The following LENG8 variants were observed in gnomAD, a reference collection of about 807,000 sequenced individuals.
LENG8 encodes the protein leukocyte receptor cluster member 8, also known as leukocyte receptor cluster (LRC) member 8.
Under a neutral mutation model 102.1 loss-of-function variants are expected in LENG8, and 28 were observed. The observed-to-expected ratio is 0.27, with a 90% CI of 0.20 to 0.38. The LOEUF is 0.38. LENG8 is among the 10% of genes least tolerant of loss of function. The pLI is 1.00. For synonymous variants in LENG8, 531 were observed against 456.7 expected, an observed-to-expected ratio of 1.16 and a Z score of -2.07; for missense variants, 1,022 against 1,113.9, an observed-to-expected ratio of 0.92 and a Z score of 1.17.
chr19:54,455,646 G>A (rs924167216), intron 8 of LENG8, 79 bp downstream of exon 8: 60 of 1,290,072 alleles, frequency 4.7e-5, no homozygotes, highest in Middle Eastern at 5.1e-4. Context: ...GGAGAGTTGC[G>A]GGTCCCAGGT....
At chr19:54,452,995 C>G (rs1333063713) in intron 4 of LENG8, among the ~76,000 whole-genome samples, 3 of 152,180 alleles carry the variant, frequency 2.0e-5, no homozygotes, top group Admixed American at 2.0e-4. Context: ...CCATGGCCAT[C>G]GAAGCAGAGA....
At position 54,456,520 on chromosome 19, in the gene LENG8, A is replaced by T. The variant is rs2084255226; in HGVS notation, c.1445+55A>T. 23 of 1,550,450 alleles carry T rather than the reference A, an allele frequency of 1.5e-5. 1 individual carries two copies. In the South Asian group the frequency reaches 2.8e-4, roughly 19 times the overall value. ...GCCAGGGTGGAGGAGGGTACTGGGG[A>T]CCCATGGGAGAAGGAGGAGGAGGGC... On this transcript the variant is annotated intron_variant, in intron 10 of 15. Transcript: ENST00000326764.
rs775076605 is a variant in LENG8 at position 54,454,674 on chromosome 19, G to A, written c.671G>A (p.Arg224His). 15 of 1,594,806 alleles carry A rather than the reference G, an allele frequency of 9.4e-6. No homozygotes were observed. Among genetic ancestry groups the A allele is most frequent in the African/African-American group, 1.3e-5 (1 of 74,530 alleles). The change falls in exon 6 of 16, where the codon CGC becomes CAC. Residue 224 changes from arginine to histidine, a missense_variant. Physicochemically the swap from Arg to His is conservative, Grantham distance 29. Around this residue, in one of 7 missense-constraint regions of LENG8, gnomAD observed 343 missense variants for 320.2 expected, o/e 1.07. Coordinates refer to ENST00000326764, the MANE Select transcript of LENG8 (RefSeq NM_052925.4). ...KPKKGQQLWN[R>H]MKPAPGTGGL... is the part of the protein sequence containing the mutation. ...AAGAAGGGCCAACAGCTGTGGAACC[G>A]CATGAAACGTAAGTTGGCAGAGCTA...
chr19:54,452,050 A>C, intron 2 of LENG8, 43 bp from the exon 3 acceptor site: 1 of 1,570,860 alleles, frequency 6.4e-7, no homozygotes, highest in African/African-American at 1.3e-5. Flanking sequence ...ACCTGTGTAC[A>C]GTGGGGAGAA....
Position 54,455,043 on chromosome 19 carries a change from C to T in LENG8, c.772C>T (p.His258Tyr). The T allele has an allele frequency of 6.2e-7, 1 of 1,614,190 alleles. No homozygotes were observed. The highest frequency in any genetic ancestry group is 2.2e-5 in the East Asian group (1 of 44,884). Residue 258 changes from histidine to tyrosine, a missense_variant, in exon 7 of 16, where the codon CAC (histidine) becomes TAC (tyrosine). By Grantham distance (83) the His-to-Tyr change is moderately conservative. Coordinates refer to ENST00000326764, the MANE Select transcript of LENG8 (RefSeq NM_052925.4). ...CTTTGGCTCCAACGCAGAGGGCCAG[C>T]ACAGTGGTTTTGGCCCCCAGCCCAA... ...QSFGSNAEGQHSGFGPQPNPE... is the reference protein window; with the variant it reads ...QSFGSNAEGQYSGFGPQPNPE...
intron 5 of LENG8, 90 bp downstream of exon 5, chr19:54,453,746 C>T (rs1372671125): frequency 1.1e-6 from 1 of 870,266 alleles, no homozygotes. Flanking sequence ...GCTTGTACTC[C>T]TTAAGCTGCT....
In LENG8 at chr19:54,459,131, T is replaced by C. The variant is rs1472085557; in HGVS notation, c.2240+610T>C. ...GTTGCTTGACTCATGTTTAGACGCA[T>C]GGTTCTGTCTGGTGATTGAGGTGCC... is the stretch of plus-strand genomic sequence containing the variant. On this transcript the variant is annotated intron_variant, in intron 15 of 15. Coordinates refer to ENST00000326764, the MANE Select transcript of LENG8 (RefSeq NM_052925.4). The C allele has an allele frequency of 4.6e-6, 6 of 1,308,234 alleles. No individual in the cohort carries two copies. In the African/African-American group the frequency reaches 5.9e-5, roughly 13 times the overall value. The allele number at this position is 1,308,234 out of a possible 1,614,324, so 81.0% of individuals were successfully genotyped here. A position where few individuals can be genotyped will look rare whatever the true frequency, so the allele number is the denominator to read the frequency against.
rs776649076 is a variant in LENG8 at position 54,456,136 on chromosome 19, A to G, written c.1195A>G (p.Thr399Ala). The change falls in exon 9 of 16, where the codon ACC becomes GCC. Residue 399 changes from threonine (T) to alanine (A), a missense_variant. Thr to Ala is a moderately conservative substitution (Grantham distance 58, BLOSUM62 0). This residue lies in a region of LENG8 where 326 missense variants were observed against 324.5 expected (regional missense o/e 1.00). Coordinates refer to ENST00000326764, the MANE Select transcript of LENG8 (RefSeq NM_052925.4). ...CGGTCGAGCCCGGGGCAACAGCTTCACCAAGTTTGGCAACCGCAACGTCTT... is the reference window on the plus strand; with the variant it reads ...CGGTCGAGCCCGGGGCAACAGCTTCGCCAAGTTTGGCAACCGCAACGTCTT... The part of the protein sequence containing the change: ...GAGRARGNSF[T>A]KFGNRNVFMK... 1.2e-6 allele frequency: 2 copies of G among 1,610,882 alleles called. No homozygotes were observed. The highest frequency in any genetic ancestry group is 1.7e-6 in the Non-Finnish European group (2 of 1,177,846).
rs1301304352 is a variant in LENG8 at position 54,456,640 on chromosome 19, G to T, written c.1450G>T (p.Asp484Tyr). ...CTGCCCCTCATCCCTTCCTAGGCACGATCTGGCGCCCACCAAGCGCAGTCG... is the reference window on the plus strand; with the variant it reads ...CTGCCCCTCATCCCTTCCTAGGCACTATCTGGCGCCCACCAAGCGCAGTCG... Reference protein sequence around the residue: ...RGRAQRGKRHDLAPTKRSRKK... With the variant: ...RGRAQRGKRHYLAPTKRSRKK... The change falls in exon 11 of 16, where the codon GAT (aspartate) becomes TAT (tyrosine). Residue 484 changes from aspartate to tyrosine, a missense_variant. This residue lies in a region of LENG8 where 326 missense variants were observed against 324.5 expected (regional missense o/e 1.00). Transcript: ENST00000326764. The T allele has an allele frequency of 6.2e-7, 1 of 1,608,796 alleles. No individual in the cohort carries two copies. The highest frequency in any genetic ancestry group is 2.2e-5 in the East Asian group (1 of 44,726).
chr19:54,453,036 C>G (rs946223848), intron 4 of LENG8, among the ~76,000 whole-genome samples: 1 of 152,254 alleles, frequency 6.6e-6, no homozygotes, highest in African/African-American at 2.4e-5. Context: ...GCCAGGCCCG[C>G]TCTCGCTTTG....
rs1487922289 is a variant in LENG8 at position 54,453,727 on chromosome 19, T to C, written c.426+71T>C. 6 of 1,092,830 alleles carry C rather than the reference T, an allele frequency of 5.5e-6. No homozygotes were observed. The Admixed American group carries it at 9.8e-5, about 18-fold the overall frequency. 67.7% of individuals were successfully genotyped at this position (1,092,830 alleles called of 1,614,324 possible). On this transcript the variant is annotated intron_variant, in intron 5 of 15. Transcript: ENST00000326764. ...TGTAGATTTTTGAATGAGCTGTCAA[T>C]GAGGAATGGCTTGTACTCCTTAAGC...
At position 54,461,100 on chromosome 19, in the gene LENG8, T is replaced by C. The variant is rs1370684342; in HGVS notation, c.*172T>C. 3 of 1,020,458 alleles carry C rather than the reference T, an allele frequency of 2.9e-6. No homozygotes were observed. The African/African-American group carries it at 4.8e-5, about 16-fold the overall frequency. 63.2% of individuals were successfully genotyped at this position (1,020,458 alleles called of 1,614,324 possible). ...CACCGGGGAGTCTGTACAGAGATTTTTCTACGTTTTTATTTTTTGCCTCAG... is the reference window on the plus strand; with the variant it reads ...CACCGGGGAGTCTGTACAGAGATTTCTCTACGTTTTTATTTTTTGCCTCAG... On this transcript the variant is annotated 3_prime_UTR_variant, in exon 16 of 16. Transcript: ENST00000326764.
intron 9 of LENG8, 38 bp downstream of exon 9, chr19:54,456,283 G>T (rs372722381): frequency 1.8e-5 from 29 of 1,614,002 alleles, no homozygotes; most frequent in African/African-American, 6.7e-5. Context: ...TGTGAGGGAG[G>T]GGGAGGCGTT....
intron 4 of LENG8, 34 bp downstream of exon 4, chr19:54,452,786 A>C: frequency 6.6e-7 from 1 of 1,504,810 alleles, no homozygotes; most frequent in Non-Finnish European, 9.2e-7. Context: ...GGGCAGGGCG[A>C]GGTGGAGTCT....
In LENG8 at chr19:54,457,744, C is replaced by T. The variant is rs1483921074; in HGVS notation, c.1732-3C>T. ...CGAGTGTGAATTCAGTTCCCTTTTTCAGGTTTTGAAAAAGTCGCTGTGCAT... is the reference window on the plus strand; with the variant it reads ...CGAGTGTGAATTCAGTTCCCTTTTTTAGGTTTTGAAAAAGTCGCTGTGCAT... On this transcript the variant is annotated splice_polypyrimidine_tract_variant and splice_region_variant and intron_variant, in intron 11 of 15. Coordinates refer to ENST00000326764, the MANE Select transcript of LENG8 (RefSeq NM_052925.4). 3 of 1,610,516 alleles carry T rather than the reference C, an allele frequency of 1.9e-6. No homozygotes were observed. The highest frequency in any genetic ancestry group is 1.3e-5 in the African/African-American group (1 of 74,958).
chr19:54,451,402 T>C lies in LENG8; in HGVS notation c.38+20T>C, dbSNP rs1035452. On this transcript the variant is annotated intron_variant, in intron 2 of 15. Coordinates refer to ENST00000326764, the MANE Select transcript of LENG8 (RefSeq NM_052925.4). The stretch of plus-strand genomic sequence containing the variant: ...AGATTGGTTAGTGAGGCGAGAGGGA[T>C]GGAGGCCAGTCGGGAGGGAAAGAGG... 0.47 allele frequency: 755,286 copies of C among 1,612,920 alleles called. 181,428 individuals carry two copies. Among genetic ancestry groups the C allele is most frequent in the East Asian group, 0.73 (32,918 of 44,868 alleles).
chr19:54,458,432 C>G lies in LENG8; in HGVS notation c.2151C>G (p.Leu717=). 3 of 1,614,286 alleles carry G rather than the reference C, an allele frequency of 1.9e-6. No homozygotes were observed. Among genetic ancestry groups the G allele is most frequent in the Non-Finnish European group, 1.7e-6 (2 of 1,180,054 alleles). ...ALGNYHRFFR[L]YCHAPCMSGY... ...GCAACTACCACCGCTTTTTCCGGCT[C>G]TACTGCCATGCACCCTGCATGTCTG... The change falls in exon 15 of 16, where the codon CTC becomes CTG. Residue 717 remains leucine (L), a synonymous_variant. Coordinates refer to ENST00000326764, the MANE Select transcript of LENG8 (RefSeq NM_052925.4).
rs2084079156 is a variant in LENG8 at position 54,453,754 on chromosome 19, G to A, written c.426+98G>A. 6 of 815,462 alleles carry A rather than the reference G, an allele frequency of 7.4e-6. No homozygotes were observed. The South Asian group carries it at 8.2e-5, about 11-fold the overall frequency. 50.5% of individuals were successfully genotyped at this position (815,462 alleles called of 1,614,324 possible). ...AGGAATGGCTTGTACTCCTTAAGCT[G>A]CTTTTTTCCTTCCAAGCAACTCCTG... On this transcript the variant is annotated intron_variant, in intron 5 of 15. Transcript: ENST00000326764.
At chr19:54,458,762 C>T (rs1480488917) in intron 15 of LENG8, 4 of 1,551,294 alleles carry the variant, frequency 2.6e-6, no homozygotes, top group East Asian at 2.4e-5. Flanking sequence ...AGCTCACTGC[C>T]TCTGGGGCCT....
Sources: gnomAD v4.1 joint callset for allele counts (sites outside exome capture counted in the v4.1 genomes callset) on GRCh38, gnomAD v4.1.1 for gene constraint, gnomAD v4.1.1 regional missense constraint, MANE v1.5 for transcripts, NCBI Gene and HGNC (gene_info 2026-07-23, HGNC 2026-07-21) for gene names.